Variants in HMGB2 observed in about 807,000 individuals in gnomAD.
HMGB2 encodes high mobility group protein B2.
In HMGB2, 2 loss-of-function variants were observed where a neutral mutation model predicts 23.0. That is an observed-to-expected ratio of 0.09 (90% confidence interval 0.04 to 0.27). The LOEUF (loss-of-function observed/expected upper bound fraction) is 0.27. HMGB2 is among the 10% of genes least tolerant of loss of function. The pLI is 1.00. For synonymous variants in HMGB2, 99 were observed against 87.5 expected (o/e 1.13, Z -0.73); for missense variants, 178 against 256.5 (o/e 0.69, Z 2.09).
At chr4:173,332,554 A>G (rs1333393767) in intron 4 of HMGB2, 3 of 261,772 alleles carry the variant, frequency 1.1e-5, no homozygotes, top group Non-Finnish European at 2.0e-5. Context: ...CTCTCTGCTT[A>G]AAAAAAAAAA....
chr4:173,334,075 G>C (rs1440279902), intron 1 of HMGB2, 197 bp downstream of exon 1: 2 of 152,770 alleles, frequency 1.3e-5, no homozygotes, highest in Admixed American at 6.5e-5. Flanking sequence ...TCCCAGAACC[G>C]GGCCCGGTCA....
At position 173,333,856 on chromosome 4, in the gene HMGB2, C is replaced by G. The variant is rs951286904; in HGVS notation, c.-20-187G>C. On this transcript the variant is annotated intron_variant, in intron 1 of 4. Coordinates refer to ENST00000296503, the MANE Select transcript of HMGB2 (RefSeq NM_002129.4). This position sits in a 1 kb window ranked among gnomAD's most constrained non-coding sequence, Gnocchi z 4.6. ...GCCCCCGCCCGCGCCCCGGCGCACA[C>G]CCTCCTCCTCCTCCTCCTCCCGGCC... 6.6e-6 allele frequency among the ~76,000 whole-genome samples: 1 copy of G among 151,238 alleles called. No homozygotes were observed. Among genetic ancestry groups the G allele is most frequent in the Non-Finnish European group, 1.5e-5 (1 of 67,718 alleles).
In HMGB2 at chr4:173,333,225, A is replaced by G; in HGVS notation, c.151-11T>C. 2 of 1,604,748 alleles carry G rather than the reference A, an allele frequency of 1.2e-6. No individual in the cohort carries two copies. Among genetic ancestry groups the G allele is most frequent in the Non-Finnish European group, 1.7e-6 (2 of 1,176,896 alleles). On this transcript the variant is annotated splice_polypyrimidine_tract_variant and intron_variant, in intron 2 of 4. Transcript: ENST00000296503. This position sits in a 1 kb window ranked among gnomAD's most constrained non-coding sequence, Gnocchi z 4.6. The stretch of plus-strand genomic sequence containing the variant: ...CTTTGCAGACATGGTCTGTGGACAT[A>G]AAATAAGAGCCAAAAATACAGCAAA...
rs745996916 is a variant in HMGB2 at position 173,332,780 on chromosome 4, AC to A, written c.471+40del. The A allele has an allele frequency of 4.5e-6, 7 of 1,554,238 alleles. No individual in the cohort carries two copies. In the Admixed American group the frequency reaches 1.2e-4, roughly 26 times the overall value. On this transcript the variant is annotated intron_variant, in intron 4 of 4. Transcript: ENST00000296503. The stretch of plus-strand genomic sequence containing the variant: ...CAGGTTTTCTACAGTTATTACCTAT[AC>A]CTAGTCTTATCCACGGCTTTAAAAA...
In HMGB2 at chr4:173,331,984, AAGCTAGTATTG is replaced by A; in HGVS notation, c.*85_*95del. The A allele has an allele frequency of 6.5e-7, 1 of 1,538,682 alleles. No homozygotes were observed. The highest frequency in any genetic ancestry group is 2.3e-5 in the East Asian group (1 of 43,538). On this transcript the variant is annotated 3_prime_UTR_variant, in exon 5 of 5. Transcript: ENST00000296503. ...AAAAATCTGTACAGTTTTTATACTG[AAGCTAGTATTG>A]AGCTGCACTTGAATTCACATTCTTA... is the stretch of plus-strand genomic sequence containing the variant.
In HMGB2 at chr4:173,333,546, G is replaced by T. The variant is rs1304003349; in HGVS notation, c.104C>A (p.Ser35Tyr). Residue 35 changes from serine (S) to tyrosine (Y), a missense_variant, in exon 2 of 5, where the codon TCC becomes TAC. Physicochemically the swap from Ser to Tyr is moderately radical, Grantham distance 144. Coordinates refer to ENST00000296503, the MANE Select transcript of HMGB2 (RefSeq NM_002129.4). The surrounding 1 kb of genome is among the most constrained non-coding windows in gnomAD (Gnocchi z 4.6). Reference protein sequence around the residue: ...EEHKKKHPDSSVNFAEFSKKC... With the variant: ...EEHKKKHPDSYVNFAEFSKKC... ...CTTGGAGAATTCCGCGAAATTGACGGAAGAGTCCGGGTGTTTCTTCTTGTG... is the reference window on the plus strand; with the variant it reads ...CTTGGAGAATTCCGCGAAATTGACGTAAGAGTCCGGGTGTTTCTTCTTGTG... The T allele has an allele frequency of 6.2e-7, 1 of 1,614,196 alleles. No homozygotes were observed. The highest frequency in any genetic ancestry group is 1.1e-5 in the South Asian group (1 of 91,088).
At position 173,333,212 on chromosome 4, in the gene HMGB2, G is replaced by A. The variant is rs772295737; in HGVS notation, c.153C>T (p.Thr51=). ...FSKKCSERWK[T]MSAKEKSKFE... is the part of the protein sequence containing the mutation. ...ACTTCGACTTCTCCTTTGCAGACAT[G>A]GTCTGTGGACATAAAATAAGAGCCA... The change falls in exon 3 of 5, where the codon ACC becomes ACT. Residue 51 remains threonine (T), a splice_region_variant and synonymous_variant. Transcript: ENST00000296503. This position sits in a 1 kb window ranked among gnomAD's most constrained non-coding sequence, Gnocchi z 4.6. The A allele has an allele frequency of 6.2e-7, 1 of 1,610,672 alleles. No individual in the cohort carries two copies. The highest frequency in any genetic ancestry group is 8.5e-7 in the Non-Finnish European group (1 of 1,178,986).
intron 4 of HMGB2, 177 bp from the exon 5 acceptor site, chr4:173,332,415 A>T (rs1738125630): frequency 1.8e-6 from 1 of 570,068 alleles, no homozygotes; most frequent in East Asian, 2.9e-5. Context: ...AATGACGTAA[A>T]ATGACAAGGG....
At position 173,333,375 on chromosome 4, in the gene HMGB2, AGATATTCAGG is replaced by A; in HGVS notation, c.150+115_150+124del. The A allele has an allele frequency of 2.2e-6, 3 of 1,388,520 alleles. No homozygotes were observed. Among genetic ancestry groups the A allele is most frequent in the Non-Finnish European group, 2.9e-6 (3 of 1,018,928 alleles). 86.0% of individuals were successfully genotyped at this position (1,388,520 alleles called of 1,614,324 possible). A position where few individuals can be genotyped will look rare whatever the true frequency, so the allele number is the denominator to read the frequency against. ...TAAAATCGTCTGCCTGGAACTCTTA[AGATATTCAGG>A]TGAGTCACTGGGGTGGCAAAGTTGA... On this transcript the variant is annotated intron_variant, in intron 2 of 4. Transcript: ENST00000296503. The surrounding 1 kb of genome is among the most constrained non-coding windows in gnomAD (Gnocchi z 4.6).
In HMGB2 at chr4:173,333,773, C is replaced by T; in HGVS notation, c.-20-104G>A. ...GCTCCGCTTCCCGCCCAAATCCGCT[C>T]CCGCCCTGCCCGCGCCCCCCTCCTC... On this transcript the variant is annotated intron_variant, in intron 1 of 4. Transcript: ENST00000296503. The surrounding 1 kb of genome is among the most constrained non-coding windows in gnomAD (Gnocchi z 4.6). 1 of 800,046 alleles carries T rather than the reference C, an allele frequency of 1.2e-6. No individual in the cohort carries two copies. The highest frequency in any genetic ancestry group is 1.8e-6 in the Non-Finnish European group (1 of 565,216). The allele number at this position is 800,046 out of a possible 1,614,324, so 49.6% of individuals were successfully genotyped here.
rs987442709 is a variant in HMGB2 at position 173,331,809 on chromosome 4, C to T, written c.*271G>A. The T allele has an allele frequency of 2.9e-6, 1 of 349,906 alleles. No homozygotes were observed. The highest frequency in any genetic ancestry group is 5.1e-6 in the Non-Finnish European group (1 of 194,700). 21.7% of individuals were successfully genotyped at this position (349,906 alleles called of 1,614,324 possible). On this transcript the variant is annotated 3_prime_UTR_variant, in exon 5 of 5. Coordinates refer to ENST00000296503, the MANE Select transcript of HMGB2 (RefSeq NM_002129.4). ...TAATTCCTACAAGTTTGCTGTGCTA[C>T]CATACACAAGAAATTAAAAAAACCA... is the stretch of plus-strand genomic sequence containing the variant.
rs33987506 is a variant in HMGB2 at position 173,331,394 on chromosome 4, A to ATATATATATATATATATATATGTG, written c.*685_*686insCACATATATATATATATATATATA. Among the ~76,000 whole-genome samples, 1 of 138,878 alleles carries ATATATATATATATATATATATGTG rather than the reference A, an allele frequency of 7.2e-6. No individual in the cohort carries two copies. Among genetic ancestry groups the ATATATATATATATATATATATGTG allele is most frequent in the African/African-American group, 2.9e-5 (1 of 34,352 alleles). 91.1% of individuals were successfully genotyped at this position (138,878 alleles called of 152,430 possible). On this transcript the variant is annotated 3_prime_UTR_variant, in exon 5 of 5. Coordinates refer to ENST00000296503, the MANE Select transcript of HMGB2 (RefSeq NM_002129.4). ...TATATACATATATATATATATATAT[A>ATATATATATATATATATATATGTG]TGTATATATATATACACACACCTGA... is the stretch of plus-strand genomic sequence containing the variant.
intron 4 of HMGB2, chr4:173,332,572 C>T (rs1049497219): frequency 1.3e-5 from 6 of 474,986 alleles, no homozygotes; most frequent in African/African-American, 7.8e-5. Context: ...AAATAACAGA[C>T]TATACAGACT....
chr4:173,333,421 T>C lies in HMGB2; in HGVS notation c.150+79A>G. The C allele has an allele frequency of 6.6e-7, 1 of 1,517,884 alleles. No individual in the cohort carries two copies. Among genetic ancestry groups the C allele is most frequent in the South Asian group, 1.3e-5 (1 of 78,778 alleles). 94.0% of individuals were successfully genotyped at this position (1,517,884 alleles called of 1,614,324 possible). On this transcript the variant is annotated intron_variant, in intron 2 of 4. Transcript: ENST00000296503. The surrounding 1 kb of genome is among the most constrained non-coding windows in gnomAD (Gnocchi z 4.6). Reference sequence around the variant, plus strand: ...GGGTGGCAAAGTTGAAGCTCATGAGTTGCCTACTACCTGCCTAAGGCCCTC... The same window carrying C: ...GGGTGGCAAAGTTGAAGCTCATGAGCTGCCTACTACCTGCCTAAGGCCCTC...
At position 173,332,155 on chromosome 4, in the gene HMGB2, G is replaced by A. The variant is rs766247171; in HGVS notation, c.555C>T (p.Asn185=). Residue 185 remains asparagine, a synonymous_variant, in exon 5 of 5, where the codon AAC becomes AAT. Coordinates refer to ENST00000296503, the MANE Select transcript of HMGB2 (RefSeq NM_002129.4). ...PGRPTGSKKK[N]EPEDEEEEEE... ...CCTCCTCCTCCTCATCTTCTGGTTC[G>A]TTCTTCTTCTTTGAGCCTGTTGGCC... is the stretch of plus-strand genomic sequence containing the variant. 3.1e-6 allele frequency: 5 copies of A among 1,611,120 alleles called. No individual in the cohort carries two copies. Among genetic ancestry groups the A allele is most frequent in the Admixed American group, 1.7e-5 (1 of 59,842 alleles).
rs1738097954 is a variant in HMGB2, at chr4:173,331,574, T to C, written c.*506A>G. The C allele has an allele frequency of 6.6e-6, 1 of 151,830 alleles. No homozygotes were observed. The highest frequency in any genetic ancestry group is 2.4e-5 in the African/African-American group (1 of 41,352). 9.4% of individuals were successfully genotyped at this position (151,830 alleles called of 1,614,324 possible). On this transcript the variant is annotated 3_prime_UTR_variant, in exon 5 of 5. Coordinates refer to ENST00000296503, the MANE Select transcript of HMGB2 (RefSeq NM_002129.4). ...GTTTGGTTTTAATTCTCAAACATTTTACTAGGTCAACTGTGTCTAAGAACT... is the reference window on the plus strand; with the variant it reads ...GTTTGGTTTTAATTCTCAAACATTTCACTAGGTCAACTGTGTCTAAGAACT...
In HMGB2 at chr4:173,333,856, CCCT is replaced by C. The variant is rs532000010; in HGVS notation, c.-20-190_-20-188del. 4.0e-4 allele frequency among the ~76,000 whole-genome samples: 60 copies of C among 151,310 alleles called. No individual in the cohort carries two copies. Among genetic ancestry groups the C allele is most frequent in the Admixed American group, 2.0e-4 (3 of 15,232 alleles). On this transcript the variant is annotated intron_variant, in intron 1 of 4. Coordinates refer to ENST00000296503, the MANE Select transcript of HMGB2 (RefSeq NM_002129.4). This position sits in a 1 kb window ranked among gnomAD's most constrained non-coding sequence, Gnocchi z 4.6. ...GCCCCCGCCCGCGCCCCGGCGCACA[CCCT>C]CCTCCTCCTCCTCCTCCCGGCCCGA...
chr4:173,333,117 C>G lies in HMGB2; in HGVS notation c.248G>C (p.Gly83Ala). 1 of 1,614,082 alleles carries G rather than the reference C, an allele frequency of 6.2e-7. No homozygotes were observed. Among genetic ancestry groups the G allele is most frequent in the Non-Finnish European group, 8.5e-7 (1 of 1,179,984 alleles). The part of the protein sequence containing the change: ...REMKNYVPPK[G>A]DKKGKKKDPN... The stretch of plus-strand genomic sequence containing the variant: ...GTCCTTTTTCTTCCCCTTCTTATCA[C>G]CTTTGGGAGGAACGTAATTTTTCAT... The change falls in exon 3 of 5, where the codon GGT (glycine) becomes GCT (alanine). Residue 83 changes from glycine to alanine, a missense_variant. Gly to Ala is a moderately conservative substitution (Grantham distance 60). This residue lies in a region of HMGB2 where 90 missense variants were observed against 114.4 expected (regional missense o/e 0.79). Coordinates refer to ENST00000296503, the MANE Select transcript of HMGB2 (RefSeq NM_002129.4). This position sits in a 1 kb window ranked among gnomAD's most constrained non-coding sequence, Gnocchi z 4.6.
Position 173,333,149 on chromosome 4 carries a change from G to C in HMGB2, c.216C>G (p.Asp72Glu). 1 of 1,614,016 alleles carries C rather than the reference G, an allele frequency of 6.2e-7. No individual in the cohort carries two copies. Among genetic ancestry groups the C allele is most frequent in the Non-Finnish European group, 8.5e-7 (1 of 1,179,952 alleles). ...DMAKSDKARY[D>E]REMKNYVPPK... Reference sequence around the variant, plus strand: ...GAGGAACGTAATTTTTCATCTCCCTGTCATAGCGAGCTTTGTCACTTTTTG... The same window carrying C: ...GAGGAACGTAATTTTTCATCTCCCTCTCATAGCGAGCTTTGTCACTTTTTG... The change falls in exon 3 of 5, where the codon GAC becomes GAG. Residue 72 changes from aspartate (D) to glutamate (E), a missense_variant. Coordinates refer to ENST00000296503, the MANE Select transcript of HMGB2 (RefSeq NM_002129.4). This position sits in a 1 kb window ranked among gnomAD's most constrained non-coding sequence, Gnocchi z 4.6.
Sources: allele counts gnomAD v4.1 joint callset (sites outside exome capture counted in the v4.1 genomes callset), GRCh38; gene constraint gnomAD v4.1.1; regional missense constraint gnomAD v4.1.1; non-coding constraint Gnocchi (gnomAD v3.1); transcripts MANE v1.5; gene names NCBI Gene and HGNC (gene_info 2026-07-23, HGNC 2026-07-21).